Variants in NLRP12 observed in about 807,000 individuals in gnomAD.
NLRP12 encodes NACHT, LRR and PYD domains-containing protein 12.
In NLRP12, 108 loss-of-function variants were observed where a neutral mutation model predicts 91.2. That is an observed-to-expected ratio of 1.18 (90% CI 1.01 to 1.39). The LOEUF is 1.39. Among genes scored for constraint, NLRP12 ranks in the 40% most tolerant of loss-of-function variants. NLRP12 has a pLI of 0.00. For missense variants in NLRP12, 1,530 were observed against 1,352.7 expected (o/e 1.13, Z -2.06); for synonymous variants, 613 against 566.7 (o/e 1.08, Z -1.16).
At position 53,811,075 on chromosome 19, in the gene NLRP12, T is replaced by C; in HGVS notation, c.584A>G (p.Lys195Arg). Reference protein sequence around the residue: ...RTVGHQASPIKIETLFEPDEE... With the variant: ...RTVGHQASPIRIETLFEPDEE... ...GTCTGGCTCAAAGAGGGTCTCTATC[T>C]TGATGGGGCTAGCCTGGTGTCCCAC... is the stretch of plus-strand genomic sequence containing the variant. Residue 195 changes from lysine (K) to arginine (R), a missense_variant, in exon 3 of 10, where the codon AAG becomes AGG. Transcript: ENST00000324134. 1 of 1,613,138 alleles carries C rather than the reference T, an allele frequency of 6.2e-7. No homozygotes were observed. Among genetic ancestry groups the C allele is most frequent in the South Asian group, 1.1e-5 (1 of 91,078 alleles).
chr19:53,807,401 G>GA (rs2091977413), intron 4 of NLRP12, 94 bp downstream of exon 4: 1 of 1,297,586 alleles, frequency 7.7e-7, no homozygotes, highest in Admixed American at 2.1e-5. Context: ...CGTAGCCAAC[G>GA]AATACACCAT....
rs1310805882 is a variant in NLRP12 at position 53,813,365 on chromosome 19, C to T, written c.370+1543G>A. ...TCACCTGGGCTGGAGTGCGGCGGCA[C>T]GATTCGGCTTACTGCAAGCTCCGCC... is the stretch of plus-strand genomic sequence containing the variant. On this transcript the variant is annotated intron_variant, in intron 2 of 9. Transcript: ENST00000324134. Among the ~76,000 whole-genome samples the T allele has an allele frequency of 4.5e-5, 6 of 132,454 alleles. No homozygotes were observed. The South Asian group carries it at 9.7e-4, about 21-fold the overall frequency. The allele number at this position is 132,454 out of a possible 152,430, so 86.9% of individuals were successfully genotyped here.
downstream of NLRP12, chr19:53,793,639 C>T (rs988850545): frequency 1.3e-4 from 34 of 252,560 alleles, no homozygotes; most frequent in Non-Finnish European, 2.3e-4. Flanking sequence ...GGCTGGAGTG[C>T]AGTGGCGCGA....
At chr19:53,797,278 CCCA>C (rs1377454845) in intron 8 of NLRP12, among the ~76,000 whole-genome samples, 26 of 151,970 alleles carry the variant, frequency 1.7e-4, no homozygotes, top group African/African-American at 5.8e-4. Context: ...ATTACAGACA[CCCA>C]CCACCACGCC....
At chr19:53,795,744 GC>G in intron 9 of NLRP12, 114 bp downstream of exon 9, 1 of 884,476 alleles carries the variant, frequency 1.1e-6, no homozygotes, top group African/African-American at 1.7e-5. Context: ...TCATCTGTAT[GC>G]CCCCTAATTG....
At chr19:53,819,184 G>A (rs2092208770) in intron 1 of NLRP12, among the ~76,000 whole-genome samples, 1 of 151,894 alleles carries the variant, frequency 6.6e-6, no homozygotes, top group African/African-American at 2.4e-5. Flanking sequence ...AAATAACTAT[G>A]TAACACTTCC....
Position 53,798,432 on chromosome 19 carries a change from A to G in NLRP12, c.2757-19T>C, listed in dbSNP as rs1467671958. 1 of 1,611,620 alleles carries G rather than the reference A, an allele frequency of 6.2e-7. No homozygotes were observed. Among genetic ancestry groups the G allele is most frequent in the Non-Finnish European group, 8.5e-7 (1 of 1,178,940 alleles). On this transcript the variant is annotated intron_variant, in intron 7 of 9. Transcript: ENST00000324134. ...GCCCAACCTGCAAAGACAGGATGCT[A>G]GGGCGGAGTGGGAGGCATTCCTCCT...
rs2012491 is a variant in NLRP12 at position 53,809,047 on chromosome 19, G to T, written c.2072+540C>A. ...TCAAGACCAGCCTGGCTAACACAGCGAAACCCCATCTCCACTAAAAATACA... is the reference window on the plus strand; with the variant it reads ...TCAAGACCAGCCTGGCTAACACAGCTAAACCCCATCTCCACTAAAAATACA... On this transcript the variant is annotated intron_variant, in intron 3 of 9. Transcript: ENST00000324134. 2.0e-5 allele frequency among the ~76,000 whole-genome samples: 3 copies of T among 151,836 alleles called. No individual in the cohort carries two copies. The South Asian group carries it at 6.3e-4, about 32-fold the overall frequency.
chr19:53,801,721 C>G (rs557151215), intron 6 of NLRP12, among the ~76,000 whole-genome samples: 4 of 151,996 alleles, frequency 2.6e-5, no homozygotes, highest in African/African-American at 9.6e-5. Context: ...TCCCAAAGGA[C>G]TGGAATTACA....
chr19:53,804,197 T>TA, intron 5 of NLRP12, 75 bp from the exon 6 acceptor site: 1 of 1,501,548 alleles, frequency 6.7e-7, no homozygotes, highest in Non-Finnish European at 9.2e-7. Context: ...TCCAGCCTGT[T>TA]ATTTTATTAT....
intron 9 of NLRP12, 50 bp from the exon 10 acceptor site, chr19:53,794,186 A>G (rs368190982): frequency 5.8e-6 from 7 of 1,213,502 alleles, no homozygotes; most frequent in East Asian, 4.6e-5. Context: ...GTGGCATTCA[A>G]TTAATAAGCC....
At chr19:53,812,135 C>CT (rs748799339) in intron 2 of NLRP12, among the ~76,000 whole-genome samples, 12,698 of 145,046 alleles carry the variant, frequency 0.088, 614 homozygotes, top group African/African-American at 0.11. Context: ...GCTTCTCAAA[C>CT]TTTTTTTTTT....
intron 1 of NLRP12, among the ~76,000 whole-genome samples, chr19:53,815,934 ATTTTTTTT>A (rs576400966): frequency 7.4e-6 from 1 of 135,526 alleles, no homozygotes; most frequent in Admixed American, 7.5e-5. Flanking sequence ...AAATATTTTA[ATTTTTTTT>A]TTTTTTTTTG....
chr19:53,807,938 TG>T (rs200105679), intron 3 of NLRP12: 4 of 417,066 alleles, frequency 9.6e-6, no homozygotes, highest in South Asian at 7.6e-5. Flanking sequence ...TTAGTAGAGA[TG>T]GGGTTTCACC....
At chr19:53,811,873 T>C (rs2092082336) in intron 2 of NLRP12, among the ~76,000 whole-genome samples, 1 of 152,020 alleles carries the variant, frequency 6.6e-6, no homozygotes, top group Non-Finnish European at 1.5e-5. Context: ...CCCCACAAAG[T>C]GACTTTCAGC....
At chr19:53,819,497 G>T (rs8113606) in intron 1 of NLRP12, among the ~76,000 whole-genome samples, 1,453 of 9,838 alleles carry the variant, frequency 0.15, 303 homozygotes, top group African/African-American at 0.17. Context: ...ATACATATGT[G>T]TATATATATG....
chr19:53,798,441 T>C (rs1336369286), intron 7 of NLRP12, 28 bp from the exon 8 acceptor site: 5 of 1,606,260 alleles, frequency 3.1e-6, no homozygotes, highest in Non-Finnish European at 4.2e-6. Context: ...TAGGGCGGAG[T>C]GGGAGGCATT....
At position 53,795,916 on chromosome 19, in the gene NLRP12, CCT is replaced by C. The variant is rs776426826; in HGVS notation, c.3039_3040del (p.Gly1014CysfsTer27). ...CAGCCGCTTGCAAAGCAGTCGGACACCTGTGTCCCCTAGGGCGTTGTTGGTCA... is the reference window on the plus strand; with the variant it reads ...CAGCCGCTTGCAAAGCAGTCGGACACGTGTCCCCTAGGGCGTTGTTGGTCA... On this transcript the variant is annotated frameshift_variant, in exon 9 of 10. Transcript: ENST00000324134. LOFTEE classifies it high-confidence loss of function. 2.7e-5 allele frequency: 43 copies of C among 1,614,036 alleles called. No homozygotes were observed. Among genetic ancestry groups the C allele is most frequent in the African/African-American group, 4.0e-5 (3 of 74,928 alleles).
chr19:53,820,090 C>G (rs1303941062), intron 1 of NLRP12, among the ~76,000 whole-genome samples: 4 of 152,100 alleles, frequency 2.6e-5, no homozygotes, highest in Non-Finnish European at 5.9e-5. Flanking sequence ...CTTACTCATT[C>G]AGCAAATGTT....
Sources: gnomAD v4.1 joint callset for allele counts (sites outside exome capture counted in the v4.1 genomes callset) on GRCh38, gnomAD v4.1.1 for gene constraint, MANE v1.5 for transcripts, NCBI Gene and HGNC (gene_info 2026-07-23, HGNC 2026-07-21) for gene names.